OPCML: variants seen among roughly 807,000 people sequenced by gnomAD.
OPCML encodes opioid binding protein/cell adhesion molecule like.
Under a neutral mutation model 37.8 loss-of-function variants are expected in OPCML, and 13 were observed. The ratio of observed to expected loss-of-function variants is 0.34; its 90% CI spans 0.22 to 0.55. The LOEUF (loss-of-function observed/expected upper bound fraction) is 0.55. Among genes scored for constraint, OPCML ranks in the 20% least tolerant of loss-of-function variants. OPCML has a pLI of 0.91. For synonymous variants in OPCML, 176 were observed against 168.8 expected, an observed-to-expected ratio of 1.04 and a Z score of -0.33; for missense variants, 341 against 435.6, an observed-to-expected ratio of 0.78 and a Z score of 1.93.
chr11:132,959,121 G>A (rs1946029792), intron 1 of OPCML, among the ~76,000 whole-genome samples: 1 of 152,222 alleles, frequency 6.6e-6, no homozygotes, highest in South Asian at 2.1e-4. Flanking sequence ...ATTCATGGAA[G>A]GAGGTCAAAG....
At chr11:133,258,174 G>T (rs928831311) in intron 1 of OPCML, among the ~76,000 whole-genome samples, 1 of 152,132 alleles carries the variant, frequency 6.6e-6, no homozygotes, top group South Asian at 2.1e-4. Context: ...GGCACCAAGG[G>T]CAAAGATGAG....
At chr11:133,439,945 T>C (rs1051998210) in intron 1 of OPCML, among the ~76,000 whole-genome samples, 1 of 152,210 alleles carries the variant, frequency 6.6e-6, no homozygotes, top group East Asian at 1.9e-4. Context: ...TTAATGTAAC[T>C]AGATATGATA....
intron 3 of OPCML, among the ~76,000 whole-genome samples, chr11:132,540,960 C>T (rs981700950): frequency 6.6e-6 from 1 of 152,146 alleles, no homozygotes; most frequent in Non-Finnish European, 1.5e-5. Context: ...TCCTTTCCCC[C>T]CCGACTTGTA....
At chr11:132,545,265 A>AT (rs1305289176) in intron 3 of OPCML, among the ~76,000 whole-genome samples, 1 of 152,118 alleles carries the variant, frequency 6.6e-6, no homozygotes, top group South Asian at 2.1e-4. Flanking sequence ...TGGAAAGAAT[A>AT]TTTTTTCTTC....
chr11:132,500,457 C>T (rs1279894064), intron 4 of OPCML, among the ~76,000 whole-genome samples: 1 of 152,204 alleles, frequency 6.6e-6, no homozygotes, highest in Non-Finnish European at 1.5e-5. Flanking sequence ...CCCAAGCCAA[C>T]TTCCAGTAGG....
intron 2 of OPCML, among the ~76,000 whole-genome samples, chr11:132,877,330 G>A (rs1364742876): frequency 1.3e-5 from 2 of 152,132 alleles, no homozygotes; most frequent in Non-Finnish European, 2.9e-5. Flanking sequence ...TTGAATAAGG[G>A]TAAAAGAAAA....
chr11:132,978,779 A>G (rs1247338008), intron 1 of OPCML, among the ~76,000 whole-genome samples: 2 of 152,108 alleles, frequency 1.3e-5, no homozygotes, highest in Non-Finnish European at 2.9e-5. Flanking sequence ...TTGCATATGT[A>G]TAATGTGTAG....
intron 4 of OPCML, among the ~76,000 whole-genome samples, chr11:132,498,430 A>G (rs2096238088): frequency 1.3e-5 from 2 of 152,314 alleles, no homozygotes; most frequent in Non-Finnish European, 1.5e-5. Flanking sequence ...AAGGAAACAC[A>G]CTGGTCACAA....
intron 2 of OPCML, among the ~76,000 whole-genome samples, chr11:132,817,763 C>T (rs747972210): frequency 6.6e-6 from 1 of 150,620 alleles, no homozygotes; most frequent in Non-Finnish European, 1.5e-5. Flanking sequence ...CCCCCTCCCC[C>T]GCCAAAAAAA....
rs141459029 is a variant in OPCML, at chr11:133,532,280, G to A, written c.45C>T (p.Ala15=). 34 of 1,613,918 alleles carry A rather than the reference G, an allele frequency of 2.1e-5. No homozygotes were observed. In the African/African-American group the frequency reaches 3.7e-4, roughly 18 times the overall value. Residue 15 remains alanine (A), a synonymous_variant, in exon 1 of 8, where the codon GCC becomes GCT. Coordinates refer to ENST00000524381, the MANE Select transcript of OPCML (RefSeq NM_001012393.5). ...GTACGGTACCTGGGATGAAGAGCAGGGCAGTTGTCGCCGAGAAGACGACCC... is the reference window on the plus strand; with the variant it reads ...GTACGGTACCTGGGATGAAGAGCAGAGCAGTTGTCGCCGAGAAGACGACCC... ...AYWVVFSATT[A]LLFIPGVPVR...
intron 1 of OPCML, among the ~76,000 whole-genome samples, chr11:133,366,533 G>A (rs1944543446): frequency 6.6e-6 from 1 of 152,164 alleles, no homozygotes; most frequent in Non-Finnish European, 1.5e-5. Flanking sequence ...TGGGAAGGAA[G>A]ACAGCAGTTT....
At chr11:132,790,733 C>A (rs114761870) in intron 2 of OPCML, among the ~76,000 whole-genome samples, 2 of 152,196 alleles carry the variant, frequency 1.3e-5, no homozygotes, top group Admixed American at 6.5e-5. Flanking sequence ...TCCATCTCTT[C>A]GGGTGGAGGC....
intron 1 of OPCML, among the ~76,000 whole-genome samples, chr11:133,403,939 A>C (rs1945465770): frequency 6.6e-6 from 1 of 152,248 alleles, no homozygotes; most frequent in Admixed American, 6.5e-5. Context: ...GATAAAACTT[A>C]GTCTGCAAAT....
intron 3 of OPCML, among the ~76,000 whole-genome samples, chr11:132,552,545 C>T (rs2096384248): frequency 6.6e-6 from 1 of 152,142 alleles, no homozygotes; most frequent in Admixed American, 6.5e-5. Flanking sequence ...ATAATGCCAT[C>T]ACCCAATGCA....
intron 1 of OPCML, among the ~76,000 whole-genome samples, chr11:133,038,182 C>T (rs1006098498): frequency 6.6e-6 from 1 of 152,210 alleles, no homozygotes; most frequent in Non-Finnish European, 1.5e-5. Context: ...GACTTAGGAG[C>T]CCTGGGCGCT....
At chr11:132,963,171 G>A (rs568514367) in intron 1 of OPCML, among the ~76,000 whole-genome samples, 4 of 152,178 alleles carry the variant, frequency 2.6e-5, no homozygotes, top group Admixed American at 1.3e-4. Flanking sequence ...AAGGGCCTCC[G>A]ATATCATTTT....
At chr11:132,540,834 C>G (rs766945369) in intron 3 of OPCML, among the ~76,000 whole-genome samples, 2 of 152,174 alleles carry the variant, frequency 1.3e-5, no homozygotes, top group Non-Finnish European at 2.9e-5. Context: ...TTAATTTGCA[C>G]AATTCAGACA....
At chr11:133,163,244 A>G (rs1950168108) in intron 1 of OPCML, among the ~76,000 whole-genome samples, 1 of 152,190 alleles carries the variant, frequency 6.6e-6, no homozygotes, top group South Asian at 2.1e-4. Context: ...AGCATGTTAC[A>G]CCACAGCACG....
At chr11:132,638,186 T>TAC (rs1254005973) in intron 3 of OPCML, among the ~76,000 whole-genome samples, 7 of 131,082 alleles carry the variant, frequency 5.3e-5, no homozygotes, top group Non-Finnish European at 8.2e-5. Flanking sequence ...TATATATATA[T>TAC]ACAGAGAGAG....
Sources: gnomAD v4.1 joint callset for allele counts (sites outside exome capture counted in the v4.1 genomes callset) on GRCh38, gnomAD v4.1.1 for gene constraint, MANE v1.5 for transcripts, NCBI Gene and HGNC (gene_info 2026-07-23, HGNC 2026-07-21) for gene names.